ADGRV1: variants seen among roughly 807,000 people sequenced by gnomAD.
ADGRV1 encodes adhesion G protein-coupled receptor V1, also known as G-protein coupled receptor 98.
A neutral mutation model predicts 596.2 loss-of-function variants in ADGRV1; 359 were observed. The ratio of observed to expected loss-of-function variants is 0.60; its 90% CI spans 0.55 to 0.66. ADGRV1 has a LOEUF of 0.66. ADGRV1 is among the 30% of genes least tolerant of loss of function. The pLI is 0.00. For synonymous variants in ADGRV1, 2,681 were observed against 2,679.2 expected, an observed-to-expected ratio of 1.00 and a Z score of -0.02; for missense variants, 7,274 against 7,575.6, an observed-to-expected ratio of 0.96 and a Z score of 1.48.
chr5:90,986,775 A>C (rs1453408103), intron 85 of ADGRV1, among the ~76,000 whole-genome samples: 1 of 152,190 alleles, frequency 6.6e-6, no homozygotes, highest in African/African-American at 2.4e-5. Context: ...ACATTTTACT[A>C]TCCCTTGCAT....
chr5:91,150,589 GTTC>G (rs1220242016), intron 88 of ADGRV1, among the ~76,000 whole-genome samples: 1 of 152,188 alleles, frequency 6.6e-6, no homozygotes, highest in African/African-American at 2.4e-5. Flanking sequence ...CAAGGAAATG[GTTC>G]TTAAGATGCT....
At chr5:90,604,245 AAC>A (rs1390097850) in intron 1 of ADGRV1, among the ~76,000 whole-genome samples, 2 of 152,132 alleles carry the variant, frequency 1.3e-5, no homozygotes, top group East Asian at 3.9e-4. Flanking sequence ...TGGACTAAAA[AAC>A]ACATATCTCT....
At position 90,578,012 on chromosome 5, in the gene ADGRV1, G is replaced by C. The variant is rs1172561085; in HGVS notation, c.22+19095G>C. Among the ~76,000 whole-genome samples, 4 of 152,298 alleles carry C rather than the reference G, an allele frequency of 2.6e-5. No homozygotes were observed. The East Asian group carries it at 5.8e-4, about 22-fold the overall frequency. The stretch of plus-strand genomic sequence containing the variant: ...GCTTATCAGCTTAAGGAAATTTTGG[G>C]CTGGGATGATGGGGTTTTCTAAATA... On this transcript the variant is annotated intron_variant, in intron 1 of 89. Transcript: ENST00000405460.
intron 86 of ADGRV1, among the ~76,000 whole-genome samples, chr5:91,093,313 G>C (rs1171144878): frequency 2.6e-5 from 4 of 152,172 alleles, no homozygotes; most frequent in South Asian, 4.1e-4. Context: ...TATCTTAAAC[G>C]ACTAGTGTAC....
At position 90,718,790 on chromosome 5, in the gene ADGRV1, G is replaced by GT. The variant is rs1305997632; in HGVS notation, c.9448-1249dup. On this transcript the variant is annotated intron_variant, in intron 43 of 89. Transcript: ENST00000405460. ...CTTTAAAATTTTTCTCAAATTTGTT[G>GT]TTTTTTTTTACTGTGACTTTTTTCA... Among the ~76,000 whole-genome samples, 1,181 of 148,570 alleles carry GT rather than the reference G, an allele frequency of 7.9e-3. 17 individuals are homozygous for GT. Among genetic ancestry groups the GT allele is most frequent in the African/African-American group, 0.027 (1,109 of 40,494 alleles).
intron 77 of ADGRV1, among the ~76,000 whole-genome samples, chr5:90,829,476 A>G (rs935461288): frequency 6.6e-6 from 1 of 152,188 alleles, no homozygotes; most frequent in Non-Finnish European, 1.5e-5. Context: ...GGGAGTTAAA[A>G]TTTCTTCAGA....
intron 74 of ADGRV1, among the ~76,000 whole-genome samples, chr5:90,812,527 C>A (rs994124641): frequency 6.6e-6 from 1 of 152,118 alleles, no homozygotes; most frequent in South Asian, 2.1e-4. Context: ...GTACAGTACT[C>A]TATATTAACC....
chr5:91,019,828 T>TCATATTTAAATAA, intron 85 of ADGRV1, among the ~76,000 whole-genome samples: 1 of 152,156 alleles, frequency 6.6e-6, no homozygotes, highest in African/African-American at 2.4e-5. Flanking sequence ...ATTATTTAAA[T>TCATATTTAAATAA]ATATGTAGAG....
intron 87 of ADGRV1, among the ~76,000 whole-genome samples, chr5:91,112,880 T>A (rs1300372269): frequency 2.0e-5 from 3 of 152,170 alleles, no homozygotes; most frequent in Admixed American, 1.3e-4. Context: ...AATATATGTG[T>A]ATAAATAAAA....
chr5:90,689,569 A>AT (rs1746193116), intron 29 of ADGRV1, among the ~76,000 whole-genome samples: 1 of 151,970 alleles, frequency 6.6e-6, no homozygotes, highest in Non-Finnish European at 1.5e-5. Flanking sequence ...CTTGTAATGA[A>AT]TGATTCTCTA....
At chr5:90,638,159 T>A (rs1199857672) in intron 11 of ADGRV1, among the ~76,000 whole-genome samples, 1 of 152,094 alleles carries the variant, frequency 6.6e-6, no homozygotes, top group Non-Finnish European at 1.5e-5. Context: ...ATTTTTACCC[T>A]GCTTTTCATT....
At chr5:90,963,308 G>A (rs148227086) in intron 83 of ADGRV1, among the ~76,000 whole-genome samples, 125 of 152,156 alleles carry the variant, frequency 8.2e-4, no homozygotes, top group Middle Eastern at 3.4e-3. Flanking sequence ...GTGCATAGAA[G>A]GTGTTCAAGG....
In ADGRV1 at chr5:90,721,225, TCATGTGTTGAGGCTCATG is replaced by T. The variant is rs1221033816; in HGVS notation, c.9748+168_9748+185del. 1.2e-4 allele frequency among the ~76,000 whole-genome samples: 19 copies of T among 152,244 alleles called. No homozygotes were observed. In the East Asian group the frequency reaches 1.9e-3, roughly 15 times the overall value. ...ATAAATATGTGTTGAGGCTGGGCGC[TCATGTGTTGAGGCTCATG>T]CCTGTAATCCCAGCACTTTGGAAGG... On this transcript the variant is annotated intron_variant, in intron 45 of 89. Transcript: ENST00000405460.
At chr5:91,054,271 A>T (rs1389178327) in intron 85 of ADGRV1, among the ~76,000 whole-genome samples, 1 of 152,038 alleles carries the variant, frequency 6.6e-6, no homozygotes, top group Non-Finnish European at 1.5e-5. Flanking sequence ...TCTCATTTTT[A>T]ATTTTTTTAT....
intron 86 of ADGRV1, among the ~76,000 whole-genome samples, chr5:91,092,266 T>C (rs1790453598): frequency 6.6e-6 from 1 of 152,112 alleles, no homozygotes; most frequent in African/African-American, 2.4e-5. Context: ...GGCTGGCTAA[T>C]TTTTGTAATT....
chr5:90,862,658 C>T (rs1767721472), intron 82 of ADGRV1, among the ~76,000 whole-genome samples: 1 of 152,110 alleles, frequency 6.6e-6, no homozygotes, highest in Non-Finnish European at 1.5e-5. Flanking sequence ...TGGAAGCCTT[C>T]CCAAAAAACG....
rs1242060957 is a variant in ADGRV1, at chr5:90,642,742, A to G, written c.2347A>G (p.Arg783Gly). 2.5e-6 allele frequency: 4 copies of G among 1,613,434 alleles called. No homozygotes were observed. Among genetic ancestry groups the G allele is most frequent in the Non-Finnish European group, 3.4e-6 (4 of 1,179,542 alleles). Residue 783 changes from arginine to glycine, a missense_variant, in exon 12 of 90, where the codon AGA becomes GGA. By Grantham distance (125) the Arg-to-Gly change is moderately radical (BLOSUM62 -2). Transcript: ENST00000405460. The part of the protein sequence containing the change: ...GGVFEFSPAS[R>G]GPYVIKEGES... ...AGTTTTTGAATTTTCTCCTGCTTCCAGAGGACCCTATGTTATAAAAGTAAG... is the reference window on the plus strand; with the variant it reads ...AGTTTTTGAATTTTCTCCTGCTTCCGGAGGACCCTATGTTATAAAAGTAAG...
intron 17 of ADGRV1, among the ~76,000 whole-genome samples, chr5:90,651,020 C>T (rs1768531624): frequency 6.6e-6 from 1 of 152,124 alleles, no homozygotes; most frequent in Non-Finnish European, 1.5e-5. Flanking sequence ...TGCCAATATA[C>T]TGTGCAAAGA....
At chr5:91,150,463 C>G (rs1454206052) in intron 88 of ADGRV1, among the ~76,000 whole-genome samples, 2 of 152,160 alleles carry the variant, frequency 1.3e-5, no homozygotes, top group Non-Finnish European at 2.9e-5. Flanking sequence ...TCTTTTTCTT[C>G]CTCACCCTGT....
Sources: gnomAD v4.1 joint callset for allele counts (sites outside exome capture counted in the v4.1 genomes callset) on GRCh38, gnomAD v4.1.1 for gene constraint, MANE v1.5 for transcripts, NCBI Gene and HGNC (gene_info 2026-07-23, HGNC 2026-07-21) for gene names.